LHX9: variants seen among roughly 807,000 people sequenced by gnomAD.
The protein encoded by LHX9 is LIM/homeobox protein Lhx9.
A neutral mutation model predicts 36.5 loss-of-function variants in LHX9; 9 were observed. The observed-to-expected ratio is 0.25, with a 90% CI of 0.15 to 0.43. The LOEUF (loss-of-function observed/expected upper bound fraction) is 0.43, where lower values mean the gene tolerates loss of function less well. Among genes scored for constraint, LHX9 ranks in the 20% least tolerant of loss-of-function variants. LHX9 has a pLI of 1.00. For missense variants in LHX9, 464 were observed against 526.4 expected (o/e 0.88, Z 1.16); for synonymous variants, 211 against 212.1 (o/e 0.99, Z 0.04).
At chr1:197,912,553 G>C, upstream of LHX9, 1 of 1,614,206 alleles carries the variant, frequency 6.2e-7, no homozygotes, top group Non-Finnish European at 8.5e-7. Flanking sequence ...TACCACTCTA[G>C]AGGCAGGTGA....
At chr1:197,925,355 C>T (rs191261403) in intron 3 of LHX9, among the ~76,000 whole-genome samples, 4 of 152,174 alleles carry the variant, frequency 2.6e-5, no homozygotes, top group South Asian at 2.1e-4. Flanking sequence ...CTATATATTA[C>T]CTTGGTGTGG....
In LHX9 at chr1:197,932,204, T is replaced by C. The variant is rs1660348175; in HGVS notation, c.*2945T>C. 2.5e-6 allele frequency: 1 copy of C among 404,488 alleles called. No homozygotes were observed. The highest frequency in any genetic ancestry group is 4.4e-6 in the Non-Finnish European group (1 of 225,910). 25.1% of individuals were successfully genotyped at this position (404,488 alleles called of 1,614,324 possible). Reference sequence around the variant, plus strand: ...GGTTTAAACAAAATTAGATAAACCATGTACAAAACCAGAGCAACCTGGCAG... The same window carrying C: ...GGTTTAAACAAAATTAGATAAACCACGTACAAAACCAGAGCAACCTGGCAG... On this transcript the variant is annotated 3_prime_UTR_variant, in exon 5 of 5. Coordinates refer to ENST00000367387, the MANE Select transcript of LHX9 (RefSeq NM_020204.3).
intron 4 of LHX9, among the ~76,000 whole-genome samples, chr1:197,928,547 A>G (rs991675085): frequency 3.3e-5 from 5 of 152,204 alleles, no homozygotes; most frequent in African/African-American, 1.2e-4. Flanking sequence ...TGTTGGGCTC[A>G]CGAATGGCTT....
At chr1:197,918,136 C>T (rs72744984) in intron 1 of LHX9, 139 bp downstream of exon 1, 23,528 of 893,650 alleles carry the variant, frequency 0.026, 405 homozygotes, top group Non-Finnish European at 0.031. Flanking sequence ...AGTTTTCTCC[C>T]GTCCACCTAT....
Position 197,932,858 on chromosome 1 carries a change from T to C in LHX9, c.*3599T>C, listed in dbSNP as rs1557979680. On this transcript the variant is annotated 3_prime_UTR_variant, in exon 5 of 5. Coordinates refer to ENST00000367387, the MANE Select transcript of LHX9 (RefSeq NM_020204.3). ...CAAAATAAACCTTAGAATAAACTAT[T>C]GTGTAAAATTTCAGCAACTTTTTTA... is the stretch of plus-strand genomic sequence containing the variant. 6.6e-6 allele frequency: 1 copy of C among 152,172 alleles called. No homozygotes were observed. The highest frequency in any genetic ancestry group is 1.9e-4 in the East Asian group (1 of 5,180). 9.4% of individuals were successfully genotyped at this position (152,172 alleles called of 1,614,324 possible). A position where few individuals can be genotyped will look rare whatever the true frequency, so the allele number is the denominator to read the frequency against.
chr1:197,926,561 G>A (rs1454957429), intron 3 of LHX9, among the ~76,000 whole-genome samples: 1 of 152,280 alleles, frequency 6.6e-6, no homozygotes, highest in Admixed American at 6.5e-5. Context: ...TACATCCTGG[G>A]GATAATGACT....
rs531605641 is a variant in LHX9, at chr1:197,933,132, G to A, written c.*3873G>A. On this transcript the variant is annotated 3_prime_UTR_variant, in exon 5 of 5. Transcript: ENST00000367387. ...AAATTTTAGCTATTCCTATTTAGCC[G>A]TATATCCAAAGCATATGTTAAACAA... is the stretch of plus-strand genomic sequence containing the variant. 7 of 151,836 alleles carry A rather than the reference G, an allele frequency of 4.6e-5. No homozygotes were observed. The highest frequency in any genetic ancestry group is 2.1e-4 in the South Asian group (1 of 4,812). 9.4% of individuals were successfully genotyped at this position (151,836 alleles called of 1,614,324 possible).
chr1:197,912,677 G>A, upstream of LHX9: 1 of 1,086,072 alleles, frequency 9.2e-7, no homozygotes, highest in Non-Finnish European at 1.4e-6. Flanking sequence ...AGGAGTGTGT[G>A]TTTGTCTTAA....
At position 197,921,084 on chromosome 1, in the gene LHX9, G is replaced by A. The variant is rs549921855; in HGVS notation, c.378-220G>A. Reference sequence around the variant, plus strand: ...TCACTTTGCAGAGAAGAAAACTAAGGCTTAGTTGCCCGATTCTTCTGACTT... The same window carrying A: ...TCACTTTGCAGAGAAGAAAACTAAGACTTAGTTGCCCGATTCTTCTGACTT... On this transcript the variant is annotated intron_variant, in intron 2 of 4. Coordinates refer to ENST00000367387, the MANE Select transcript of LHX9 (RefSeq NM_020204.3). This position sits in a 1 kb window ranked among gnomAD's most constrained non-coding sequence, Gnocchi z 4.6. Among the ~76,000 whole-genome samples the A allele has an allele frequency of 1.3e-5, 2 of 152,000 alleles. No homozygotes were observed. Among genetic ancestry groups the A allele is most frequent in the South Asian group, 2.1e-4 (1 of 4,810 alleles).
intron 3 of LHX9, among the ~76,000 whole-genome samples, chr1:197,922,583 A>G (rs151206557): frequency 2.7e-4 from 41 of 152,300 alleles, no homozygotes; most frequent in African/African-American, 9.4e-4. Flanking sequence ...TGAGCAGAAC[A>G]GAAGCTATTC....
chr1:197,927,520 C>A, intron 3 of LHX9, 71 bp from the exon 4 acceptor site: 1 of 1,296,242 alleles, frequency 7.7e-7, no homozygotes, highest in Non-Finnish European at 1.1e-6. Context: ...CAGTGTCATA[C>A]AGCCTGCCAT....
chr1:197,931,944 G>A lies in LHX9; in HGVS notation c.*2685G>A, dbSNP rs1660336132. 1 of 1,548,108 alleles carries A rather than the reference G, an allele frequency of 6.5e-7. No homozygotes were observed. Among genetic ancestry groups the A allele is most frequent in the Admixed American group, 2.0e-5 (1 of 50,922 alleles). ...GGAGAACAAATCTTGGGGCATTACA[G>A]CCAAACATCCCGACGTTTGAAAATT... is the stretch of plus-strand genomic sequence containing the variant. On this transcript the variant is annotated 3_prime_UTR_variant, in exon 5 of 5. Coordinates refer to ENST00000367387, the MANE Select transcript of LHX9 (RefSeq NM_020204.3).
At position 197,920,180 on chromosome 1, in the gene LHX9, C is replaced by A; in HGVS notation, c.377+6C>A. Reference sequence around the variant, plus strand: ...TGCAAGGAGGATTACTACAGGTACTCCCCTACACCCCCACTTCCTACGCCC... The same window carrying A: ...TGCAAGGAGGATTACTACAGGTACTACCCTACACCCCCACTTCCTACGCCC... On this transcript the variant is annotated splice_donor_region_variant and intron_variant, in intron 2 of 4. Transcript: ENST00000367387. 1 of 1,613,638 alleles carries A rather than the reference C, an allele frequency of 6.2e-7. No individual in the cohort carries two copies. Among genetic ancestry groups the A allele is most frequent in the Non-Finnish European group, 8.5e-7 (1 of 1,179,606 alleles).
intron 2 of LHX9, 63 bp downstream of exon 2, chr1:197,920,237 C>A (rs2102594600): frequency 6.7e-7 from 1 of 1,493,108 alleles, no homozygotes; most frequent in African/African-American, 1.4e-5. Context: ...CTGCCTGAGC[C>A]CGGAATCCCC....
intron 1 of LHX9, chr1:197,918,482 C>A: frequency 1.5e-6 from 1 of 686,190 alleles, no homozygotes; most frequent in Non-Finnish European, 2.7e-6. Flanking sequence ...TGGGTCATTT[C>A]CAGTTCTCTA....
rs1250425097 is a variant in LHX9 at position 197,932,510 on chromosome 1, C to T, written c.*3251C>T. The T allele has an allele frequency of 1.3e-5, 2 of 152,206 alleles. No individual in the cohort carries two copies. Among genetic ancestry groups the T allele is most frequent in the Non-Finnish European group, 2.9e-5 (2 of 68,036 alleles). The allele number at this position is 152,206 out of a possible 1,614,324, so 9.4% of individuals were successfully genotyped here. ...TTTTACATATGTCACCTCTAGTGTACACCTCTGTATGATGACTTATCTTTG... is the reference window on the plus strand; with the variant it reads ...TTTTACATATGTCACCTCTAGTGTATACCTCTGTATGATGACTTATCTTTG... On this transcript the variant is annotated 3_prime_UTR_variant, in exon 5 of 5. Transcript: ENST00000367387.
Position 197,932,991 on chromosome 1 carries a change from A to G in LHX9, c.*3732A>G, listed in dbSNP as rs746850256. On this transcript the variant is annotated 3_prime_UTR_variant, in exon 5 of 5. Coordinates refer to ENST00000367387, the MANE Select transcript of LHX9 (RefSeq NM_020204.3). ...ATATTCTGAACTATAAAAAGATCCAATCTTTGCATAGTTCAATTACATATG... is the reference window on the plus strand; with the variant it reads ...ATATTCTGAACTATAAAAAGATCCAGTCTTTGCATAGTTCAATTACATATG... 7.2e-5 allele frequency: 11 copies of G among 152,030 alleles called. No homozygotes were observed. Among genetic ancestry groups the G allele is most frequent in the East Asian group, 1.9e-4 (1 of 5,192 alleles). 9.4% of individuals were successfully genotyped at this position (152,030 alleles called of 1,614,324 possible).
chr1:197,918,295 G>T lies in LHX9; in HGVS notation c.174+298G>T, dbSNP rs1490766348. On this transcript the variant is annotated intron_variant, in intron 1 of 4. Coordinates refer to ENST00000367387, the MANE Select transcript of LHX9 (RefSeq NM_020204.3). ...GGCATTCTCTTCTACAGACCTCAAG[G>T]TTCCCTTGATTCCGGGGCAGGCGTC... The T allele has an allele frequency of 1.7e-5, 12 of 717,416 alleles. No homozygotes were observed. The East Asian group carries it at 2.9e-4, about 18-fold the overall frequency. 44.4% of individuals were successfully genotyped at this position (717,416 alleles called of 1,614,324 possible).
rs539965251 is a variant in LHX9 at position 197,932,419 on chromosome 1, C to G, written c.*3160C>G. 1 of 153,920 alleles carries G rather than the reference C, an allele frequency of 6.5e-6. No homozygotes were observed. Among genetic ancestry groups the G allele is most frequent in the African/African-American group, 2.4e-5 (1 of 41,598 alleles). 9.5% of individuals were successfully genotyped at this position (153,920 alleles called of 1,614,324 possible). On this transcript the variant is annotated 3_prime_UTR_variant, in exon 5 of 5. Transcript: ENST00000367387. The stretch of plus-strand genomic sequence containing the variant: ...ATCACCCATTTAAGAGTATAGGGAT[C>G]AAACCCCAGTAATTTTAGCATTATT...
Sources: gnomAD v4.1 joint callset for allele counts (sites outside exome capture counted in the v4.1 genomes callset) on GRCh38, gnomAD v4.1.1 for gene constraint, Gnocchi (gnomAD v3.1) non-coding constraint, MANE v1.5 for transcripts, NCBI Gene and HGNC (gene_info 2026-07-23, HGNC 2026-07-21) for gene names.